The following KHDRBS2 variants were observed in gnomAD, a reference collection of about 807,000 sequenced individuals.
KHDRBS2 encodes the protein KH domain-containing, RNA-binding, signal transduction-associated protein 2.
A neutral mutation model predicts 44.3 loss-of-function variants in KHDRBS2; 26 were observed. That is an observed-to-expected ratio of 0.59 (90% confidence interval 0.43 to 0.81). KHDRBS2 has a LOEUF of 0.81. KHDRBS2 is among the 40% of genes least tolerant of loss of function. The probability of loss-of-function intolerance (pLI) is 0.00; values close to 1 mark genes in which losing one functional copy is unlikely to be tolerated. For missense variants in KHDRBS2, 476 were observed against 433.1 expected, an observed-to-expected ratio of 1.10 and a Z score of -0.88; for synonymous variants, 194 against 151.1, an observed-to-expected ratio of 1.28 and a Z score of -2.08.
chr6:61,932,136 CAA>C (rs1393173002), intron 4 of KHDRBS2, among the ~76,000 whole-genome samples: 1 of 152,078 alleles, frequency 6.6e-6, no homozygotes. Flanking sequence ...TTTGGAGAGT[CAA>C]AGTTATACAT....
At chr6:61,601,196 T>C in the KHDRBS2 span, among the ~76,000 whole-genome samples, 10 of 151,856 alleles carry the variant, frequency 6.6e-5, no homozygotes, top group Non-Finnish European at 1.0e-4. Context: ...CTCTCTTCTC[T>C]CCACTTTCCT....
chr6:61,933,752 C>G (rs1290851958), intron 4 of KHDRBS2, among the ~76,000 whole-genome samples: 2 of 152,060 alleles, frequency 1.3e-5, no homozygotes, highest in Non-Finnish European at 1.5e-5. Context: ...TTTATGAGAC[C>G]ACCGTGTATA....
At chr6:62,047,220 A>T (rs1458374663) in intron 3 of KHDRBS2, among the ~76,000 whole-genome samples, 1 of 151,972 alleles carries the variant, frequency 6.6e-6, no homozygotes, top group African/African-American at 2.4e-5. Context: ...ATAAATCTCT[A>T]CAAATTGTCA....
At position 62,187,093 on chromosome 6, in the gene KHDRBS2, G is replaced by T. The variant is rs115419436; in HGVS notation, c.92-9781C>A. On this transcript the variant is annotated intron_variant, in intron 1 of 8. Transcript: ENST00000281156. ...GTGTCAGAGTTCCACAGTCCATCAT[G>T]CTGGCAAAGACAACATCAAGTTTCC... Among the ~76,000 whole-genome samples the T allele has an allele frequency of 2.0e-5, 3 of 152,058 alleles. No homozygotes were observed. In the East Asian group the frequency reaches 5.8e-4, roughly 29 times the overall value.
the KHDRBS2 span, among the ~76,000 whole-genome samples, chr6:61,646,217 T>C: frequency 0.83 from 125,645 of 152,084 alleles, 52,169 homozygotes; most frequent in Non-Finnish European, 0.87. Context: ...GCAATCTTTC[T>C]TTCTGGCAGT....
At chr6:61,743,940 C>A (rs1039888048) in intron 6 of KHDRBS2, among the ~76,000 whole-genome samples, 2 of 151,946 alleles carry the variant, frequency 1.3e-5, no homozygotes, top group African/African-American at 4.8e-5. Context: ...TCATCCATGT[C>A]CCTACAAAGG....
intron 3 of KHDRBS2, among the ~76,000 whole-genome samples, chr6:62,026,885 T>C (rs1343917679): frequency 6.6e-6 from 1 of 152,296 alleles, no homozygotes; most frequent in African/African-American, 2.4e-5. Context: ...TAATTTTTTT[T>C]ATTAGTGTGT....
At chr6:61,582,952 G>A in the KHDRBS2 span, among the ~76,000 whole-genome samples, 1 of 151,676 alleles carries the variant, frequency 6.6e-6, no homozygotes, top group East Asian at 1.9e-4. Flanking sequence ...ACCATTTTAT[G>A]TAAGACAAAT....
At chr6:62,064,709 T>C (rs9342645) in intron 2 of KHDRBS2, among the ~76,000 whole-genome samples, 16 of 151,726 alleles carry the variant, frequency 1.1e-4, no homozygotes, top group African/African-American at 3.9e-4. Flanking sequence ...ACCATTCAGG[T>C]CACAGGCATG....
At chr6:61,984,739 G>C (rs1774698555) in intron 3 of KHDRBS2, among the ~76,000 whole-genome samples, 1 of 152,198 alleles carries the variant, frequency 6.6e-6, no homozygotes. Context: ...GACTGTGTAA[G>C]TAAATTTTGT....
intron 1 of KHDRBS2, among the ~76,000 whole-genome samples, chr6:62,268,055 A>G (rs1340836878): frequency 6.6e-6 from 1 of 152,056 alleles, no homozygotes; most frequent in African/African-American, 2.4e-5. Context: ...TATTAATCCT[A>G]TGGGAACACA....
intron 2 of KHDRBS2, among the ~76,000 whole-genome samples, chr6:62,164,938 C>A (rs1818370073): frequency 6.6e-6 from 1 of 151,790 alleles, no homozygotes; most frequent in South Asian, 2.1e-4. Flanking sequence ...TGAAATTTCC[C>A]TTACACTATA....
intron 7 of KHDRBS2, among the ~76,000 whole-genome samples, chr6:61,698,295 C>T (rs1561983927): frequency 6.6e-6 from 1 of 152,110 alleles, no homozygotes; most frequent in Non-Finnish European, 1.5e-5. Context: ...ATCACTTATT[C>T]CTGGAGACCA....
At chr6:61,884,293 T>C (rs897232262) in intron 6 of KHDRBS2, among the ~76,000 whole-genome samples, 2 of 152,098 alleles carry the variant, frequency 1.3e-5, no homozygotes, top group African/African-American at 4.8e-5. Context: ...TTTGTCAAAA[T>C]GCTTTTTATA....
At chr6:61,974,923 T>C (rs940800204) in intron 4 of KHDRBS2, among the ~76,000 whole-genome samples, 1 of 141,760 alleles carries the variant, frequency 7.1e-6, no homozygotes, top group Non-Finnish European at 1.5e-5. Flanking sequence ...ATAGCAAGAC[T>C]CCATCTTAAA....
intron 2 of KHDRBS2, among the ~76,000 whole-genome samples, chr6:62,169,680 C>T (rs919529012): frequency 6.6e-6 from 1 of 152,172 alleles, no homozygotes; most frequent in East Asian, 2.0e-4. Flanking sequence ...TGACAGGGAC[C>T]TGTGCAAGAC....
intron 4 of KHDRBS2, among the ~76,000 whole-genome samples, chr6:61,951,315 C>T (rs1289960435): frequency 1.3e-5 from 2 of 151,990 alleles, no homozygotes; most frequent in African/African-American, 4.8e-5. Context: ...AGAAATTCTT[C>T]ATGTGACTGT....
intron 4 of KHDRBS2, among the ~76,000 whole-genome samples, chr6:61,917,015 G>T (rs569417930): frequency 4.1e-4 from 35 of 85,048 alleles, no homozygotes; most frequent in Non-Finnish European, 6.5e-4. Flanking sequence ...AAATGATATT[G>T]AAACTTAGAA....
At position 62,001,642 on chromosome 6, in the gene KHDRBS2, T is replaced by A. The variant is rs75724298; in HGVS notation, c.337-23430A>T. ...AAATATATTCACTTTTCAATGTTAA[T>A]GCAAGTCATTCATAGACTCTGCTGG... On this transcript the variant is annotated intron_variant, in intron 3 of 8. Transcript: ENST00000281156. Among the ~76,000 whole-genome samples the A allele has an allele frequency of 6.8e-3, 1,032 of 152,256 alleles. 16 individuals are homozygous for A. Among genetic ancestry groups the A allele is most frequent in the African/African-American group, 0.023 (940 of 41,560 alleles).
Sources: allele counts gnomAD v4.1 joint callset (sites outside exome capture counted in the v4.1 genomes callset), GRCh38; gene constraint gnomAD v4.1.1; transcripts MANE v1.5; gene names NCBI Gene and HGNC (gene_info 2026-07-23, HGNC 2026-07-21).